ANKFY1: variants seen among roughly 807,000 people sequenced by gnomAD.
ANKFY1 encodes the protein ankyrin repeat and FYVE domain containing 1, also known as ankyrin repeat and FYVE domain-containing protein 1.
A neutral mutation model predicts 128.3 loss-of-function variants in ANKFY1; 47 were observed. The observed-to-expected ratio is 0.37, with a 90% CI of 0.29 to 0.47. The LOEUF is 0.47. Among genes scored for constraint, ANKFY1 ranks in the 20% least tolerant of loss-of-function variants. The pLI, the probability that ANKFY1 is intolerant of heterozygous loss-of-function variation, is 1.00. For synonymous variants in ANKFY1, 553 were observed against 601.6 expected, an observed-to-expected ratio of 0.92 and a Z score of 1.18; for missense variants, 1,222 against 1,510.6, an observed-to-expected ratio of 0.81 and a Z score of 3.17.
intron 17 of ANKFY1, 193 bp downstream of exon 17, chr17:4,179,527 TC>T: frequency 1.5e-6 from 1 of 679,040 alleles, no homozygotes; most frequent in Non-Finnish European, 2.4e-6. Flanking sequence ...AAACAAATCT[TC>T]CTCCTGTTGT....
In ANKFY1 at chr17:4,167,579, G is replaced by T. The variant is rs551775974; in HGVS notation, c.*200C>A. 8.2e-6 allele frequency: 4 copies of T among 490,680 alleles called. No individual in the cohort carries two copies. In the South Asian group the frequency reaches 2.3e-4, roughly 28 times the overall value. The allele number at this position is 490,680 out of a possible 1,614,324, so 30.4% of individuals were successfully genotyped here. On this transcript the variant is annotated 3_prime_UTR_variant, in exon 25 of 25. Coordinates refer to ENST00000341657, the MANE Select transcript of ANKFY1 (RefSeq NM_001330063.2). The surrounding 1 kb of genome is among the most constrained non-coding windows in gnomAD (Gnocchi z 4.1). ...GATGAGTGAGACATCTAGTGAAATC[G>T]ATCACAGTCTGACACACACACTGAC...
In ANKFY1 at chr17:4,181,788, G is replaced by A. The variant is rs929826974; in HGVS notation, c.2121+393C>T. On this transcript the variant is annotated intron_variant, in intron 15 of 24. Coordinates refer to ENST00000341657, the MANE Select transcript of ANKFY1 (RefSeq NM_001330063.2). The surrounding 1 kb of genome is among the most constrained non-coding windows in gnomAD (Gnocchi z 4.9). Reference sequence around the variant, plus strand: ...CTTCATATCACACTGCAGGCCCTTCGGAGAGCTGAATGAGAATGTGCAGGT... The same window carrying A: ...CTTCATATCACACTGCAGGCCCTTCAGAGAGCTGAATGAGAATGTGCAGGT... 2.0e-5 allele frequency among the ~76,000 whole-genome samples: 3 copies of A among 152,104 alleles called. No homozygotes were observed. Among genetic ancestry groups the A allele is most frequent in the Admixed American group, 6.6e-5 (1 of 15,254 alleles).
intron 1 of ANKFY1, chr17:4,263,585 G>A (rs1435854099): frequency 9.8e-6 from 15 of 1,534,686 alleles, no homozygotes; most frequent in Non-Finnish European, 1.1e-5. Flanking sequence ...TTCCTAAGGA[G>A]AAGGCTTACT....
Position 4,170,847 on chromosome 17 carries a change from A to G in ANKFY1, c.3154T>C (p.Tyr1052His). ...CACAAGTTGGCGTTCCCTTTCATGT[A>G]TGCCAGGAGCAGCACTGGAAAACAA... Reference protein sequence around the residue: ...ADGSTVLLLAYMKGNANLCRA... With the variant: ...ADGSTVLLLAHMKGNANLCRA... The change falls in exon 23 of 25, where the codon TAC becomes CAC. Residue 1052 changes from tyrosine (Y) to histidine (H), a missense_variant. By Grantham distance (83) the Tyr-to-His change is moderately conservative (BLOSUM62 2). Transcript: ENST00000341657. 1 of 1,614,190 alleles carries G rather than the reference A, an allele frequency of 6.2e-7. No homozygotes were observed. Among genetic ancestry groups the G allele is most frequent in the Non-Finnish European group, 8.5e-7 (1 of 1,180,030 alleles).
chr17:4,236,469 G>A (rs1966910926), intron 2 of ANKFY1, among the ~76,000 whole-genome samples: 1 of 152,096 alleles, frequency 6.6e-6, no homozygotes, highest in Non-Finnish European at 1.5e-5. Context: ...TAAAAAATGG[G>A]GTGAGGAAAA....
intron 1 of ANKFY1, among the ~76,000 whole-genome samples, chr17:4,261,809 C>T (rs74582071): frequency 3.9e-5 from 6 of 152,282 alleles, no homozygotes; most frequent in African/African-American, 1.2e-4. Flanking sequence ...AGTGCAAAAG[C>T]GCCAGACTAC....
Position 4,184,962 on chromosome 17 carries a change from G to C in ANKFY1, c.1555C>G (p.Leu519Val). 1 of 1,614,068 alleles carries C rather than the reference G, an allele frequency of 6.2e-7. No individual in the cohort carries two copies. Among genetic ancestry groups the C allele is most frequent in the Non-Finnish European group, 8.5e-7 (1 of 1,180,048 alleles). Residue 519 changes from leucine to valine, a missense_variant, in exon 12 of 25, where the codon CTG becomes GTG. Physicochemically the swap from Leu to Val is conservative, Grantham distance 32. Transcript: ENST00000341657. ...AGAGGCAGAGCTTCCTCCGTCTGCA[G>C]GTTTGGGTTGGCGCCTTGCTGCAGG... The part of the protein sequence containing the change: ...ELLQQGANPN[L>V]QTEEALPLPK...
chr17:4,232,781 T>C (rs533613435), intron 3 of ANKFY1, among the ~76,000 whole-genome samples: 1 of 152,322 alleles, frequency 6.6e-6, no homozygotes, highest in South Asian at 2.1e-4. Flanking sequence ...CTAAAAAATT[T>C]CAGTGTAAAG....
At chr17:4,262,585 C>A (rs889528386) in intron 1 of ANKFY1, among the ~76,000 whole-genome samples, 2 of 152,168 alleles carry the variant, frequency 1.3e-5, no homozygotes, top group African/African-American at 4.8e-5. Flanking sequence ...CACACACACA[C>A]ACCCCTTTTT....
At position 4,166,995 on chromosome 17, in the gene ANKFY1, TA is replaced by T. The variant is rs1190631563; in HGVS notation, c.*783del. The T allele has an allele frequency of 3.3e-5, 5 of 152,552 alleles. No individual in the cohort carries two copies. The highest frequency in any genetic ancestry group is 5.9e-5 in the Non-Finnish European group (4 of 68,030). 9.4% of individuals were successfully genotyped at this position (152,552 alleles called of 1,614,324 possible). On this transcript the variant is annotated 3_prime_UTR_variant, in exon 25 of 25. Transcript: ENST00000341657. ...CAGCTCTATAAAAAGTGCAGCACAG[TA>T]AAAGTGCATTTCCTCCAGCACTCTC...
At chr17:4,251,846 C>A (rs1035147887) in intron 1 of ANKFY1, among the ~76,000 whole-genome samples, 1 of 151,962 alleles carries the variant, frequency 6.6e-6, no homozygotes, top group South Asian at 2.1e-4. Context: ...ACCAGCCTGG[C>A]CAACATGGCA....
At chr17:4,174,619 G>T (rs2059380598) in intron 19 of ANKFY1, among the ~76,000 whole-genome samples, 1 of 152,144 alleles carries the variant, frequency 6.6e-6, no homozygotes, top group African/African-American at 2.4e-5. Context: ...AAGCATAAAT[G>T]CCATACTCCG....
chr17:4,227,333 C>A (rs114367098), intron 3 of ANKFY1, among the ~76,000 whole-genome samples: 280 of 152,082 alleles, frequency 1.8e-3, no homozygotes, highest in African/African-American at 6.6e-3. Context: ...TAGGATCCAA[C>A]AACATACATA....
chr17:4,201,479 A>ATT (rs59058325), intron 7 of ANKFY1, among the ~76,000 whole-genome samples: 4 of 135,700 alleles, frequency 2.9e-5, no homozygotes, highest in African/African-American at 1.1e-4. Context: ...CCTGTGTCTG[A>ATT]TTTTTTTTTT....
intron 4 of ANKFY1, among the ~76,000 whole-genome samples, chr17:4,211,205 A>G (rs1170118280): frequency 6.6e-6 from 1 of 151,954 alleles, no homozygotes; most frequent in Non-Finnish European, 1.5e-5. Context: ...GGAGGTCGTG[A>G]CCAGCCTGGG....
chr17:4,174,893 A>G (rs984248125), intron 19 of ANKFY1, among the ~76,000 whole-genome samples: 14 of 151,696 alleles, frequency 9.2e-5, no homozygotes, highest in African/African-American at 3.4e-4. Context: ...TGGCTAATTA[A>G]AAAAAAGAAA....
chr17:4,184,882 C>T lies in ANKFY1; in HGVS notation c.1635G>A (p.Thr545=), dbSNP rs763321468. The change falls in exon 12 of 25, where the codon ACG becomes ACA. Residue 545 remains threonine, a synonymous_variant. Transcript: ENST00000341657. ...TSLADSVHLQ[T]PLHMAIAYNH... is the part of the protein sequence containing the mutation. ...TATAGGCGATCGCCATGTGCAGTGG[C>T]GTCTGCAGATGGACGCTGTCCGCCA... 1.1e-5 allele frequency: 17 copies of T among 1,613,914 alleles called. No individual in the cohort carries two copies. The highest frequency in any genetic ancestry group is 5.3e-5 in the African/African-American group (4 of 74,938).
chr17:4,165,189 A>G lies in ANKFY1; in HGVS notation c.*2590T>C, dbSNP rs2059190066. 6.6e-6 allele frequency: 1 copy of G among 152,262 alleles called. No individual in the cohort carries two copies. The highest frequency in any genetic ancestry group is 1.5e-5 in the Non-Finnish European group (1 of 68,050). 9.4% of individuals were successfully genotyped at this position (152,262 alleles called of 1,614,324 possible). A position where few individuals can be genotyped will look rare whatever the true frequency, so the allele number is the denominator to read the frequency against. The stretch of plus-strand genomic sequence containing the variant: ...TACCTTTGTTTTAAAAACAACGACA[A>G]CAAAAGACTGTTAGGAATACACTGG... On this transcript the variant is annotated 3_prime_UTR_variant, in exon 25 of 25. Coordinates refer to ENST00000341657, the MANE Select transcript of ANKFY1 (RefSeq NM_001330063.2).
At chr17:4,215,927 A>T (rs1044768714) in intron 4 of ANKFY1, among the ~76,000 whole-genome samples, 1 of 152,210 alleles carries the variant, frequency 6.6e-6, no homozygotes, top group Non-Finnish European at 1.5e-5. Flanking sequence ...AAACAAACAA[A>T]CAAACAAATG....
Sources: gnomAD v4.1 joint callset for allele counts (sites outside exome capture counted in the v4.1 genomes callset) on GRCh38, gnomAD v4.1.1 for gene constraint, Gnocchi (gnomAD v3.1) non-coding constraint, MANE v1.5 for transcripts, NCBI Gene and HGNC (gene_info 2026-07-23, HGNC 2026-07-21) for gene names.